Variants in SLIT2 observed in about 807,000 individuals in gnomAD.
The protein encoded by SLIT2 is slit homolog 2 protein.
A neutral mutation model predicts 185.7 loss-of-function variants in SLIT2; 41 were observed. The ratio of observed to expected loss-of-function variants is 0.22; its 90% CI spans 0.17 to 0.29. The LOEUF (loss-of-function observed/expected upper bound fraction) is 0.29. Among genes scored for constraint, SLIT2 ranks in the 10% least tolerant of loss-of-function variants. The probability of loss-of-function intolerance (pLI) is 1.00; values close to 1 mark genes in which losing one functional copy is unlikely to be tolerated. For synonymous variants in SLIT2, 693 were observed against 680.2 expected (o/e 1.02, Z -0.29); for missense variants, 1,571 against 1,909.0 (o/e 0.82, Z 3.30).
At chr4:20,482,728 A>T (rs1716826816) in intron 6 of SLIT2, among the ~76,000 whole-genome samples, 1 of 152,008 alleles carries the variant, frequency 6.6e-6, no homozygotes, top group Non-Finnish European at 1.5e-5. Flanking sequence ...TGTTGAAGAA[A>T]TAATAAAAAT....
chr4:20,545,212 A>C (rs1196189202), intron 21 of SLIT2, among the ~76,000 whole-genome samples: 1 of 152,086 alleles, frequency 6.6e-6, no homozygotes, highest in African/African-American at 2.4e-5. Flanking sequence ...CTGTGGGCAC[A>C]TGTATAGCCA....
At chr4:20,370,707 A>G (rs1434183776) in intron 4 of SLIT2, among the ~76,000 whole-genome samples, 1 of 152,076 alleles carries the variant, frequency 6.6e-6, no homozygotes, top group African/African-American at 2.4e-5. Context: ...AAGTGACTAT[A>G]AAGTACTGAT....
chr4:20,507,909 T>C (rs1275820629), intron 9 of SLIT2, among the ~76,000 whole-genome samples: 1 of 152,018 alleles, frequency 6.6e-6, no homozygotes, highest in African/African-American at 2.4e-5. Context: ...ATTTCATCTA[T>C]AGCTCGTATT....
Position 20,488,911 on chromosome 4 carries a change from A to G in SLIT2, c.704A>G (p.Gln235Arg). The G allele has an allele frequency of 6.2e-7, 1 of 1,612,564 alleles. No individual in the cohort carries two copies. Among genetic ancestry groups the G allele is most frequent in the South Asian group, 1.1e-5 (1 of 90,882 alleles). Residue 235 changes from glutamine to arginine, a missense_variant, in exon 8 of 37, where the codon CAG (glutamine) becomes CGG (arginine). Around this residue, in one of 3 missense-constraint regions of SLIT2, gnomAD observed 1,202 missense variants for 1,416.4 expected, o/e 0.85. Transcript: ENST00000504154. ...AGGCCTCGGGTTGGTCTGTACACTC[A>G]GTGTATGGGCCCCTCCCACCTGAGA... ...RQRPRVGLYT[Q>R]CMGPSHLRGH...
intron 30 of SLIT2, among the ~76,000 whole-genome samples, chr4:20,591,533 C>A (rs957081437): frequency 1.3e-5 from 2 of 152,004 alleles, no homozygotes; most frequent in East Asian, 1.9e-4. Context: ...AAATTTGATT[C>A]TATTTTGCAT....
Position 20,550,822 on chromosome 4 carries a change from T to C in SLIT2, c.2490-5T>C, listed in dbSNP as rs756677672. 9.4e-6 allele frequency: 15 copies of C among 1,591,052 alleles called. No individual in the cohort carries two copies. In the South Asian group the frequency reaches 1.7e-4, roughly 18 times the overall value. ...AAGTTTAATTTTTCTTTTTCTTTCTTTTAGTTCTCTACATGGAAATGACAT... is the reference window on the plus strand; with the variant it reads ...AAGTTTAATTTTTCTTTTTCTTTCTCTTAGTTCTCTACATGGAAATGACAT... On this transcript the variant is annotated splice_polypyrimidine_tract_variant and splice_region_variant and intron_variant, in intron 24 of 36. Coordinates refer to ENST00000504154, the MANE Select transcript of SLIT2 (RefSeq NM_004787.4).
chr4:20,312,208 G>T (rs1718172524), intron 4 of SLIT2, among the ~76,000 whole-genome samples: 1 of 152,084 alleles, frequency 6.6e-6, no homozygotes, highest in Non-Finnish European at 1.5e-5. Context: ...TTCGCTTTAA[G>T]TTACAGTATG....
intron 4 of SLIT2, among the ~76,000 whole-genome samples, chr4:20,421,791 C>T (rs1411931092): frequency 2.0e-5 from 3 of 152,186 alleles, no homozygotes; most frequent in African/African-American, 7.2e-5. Flanking sequence ...AAGCATTTTG[C>T]AATTCTTAAC....
intron 4 of SLIT2, among the ~76,000 whole-genome samples, chr4:20,376,083 C>CA (rs1260301148): frequency 3.2e-5 from 4 of 124,194 alleles, no homozygotes; most frequent in Admixed American, 8.0e-5. Context: ...TTTTTCAAAA[C>CA]AAAAAACAAT....
At chr4:20,583,039 G>T (rs1026683627) in intron 29 of SLIT2, among the ~76,000 whole-genome samples, 1 of 152,192 alleles carries the variant, frequency 6.6e-6, no homozygotes, top group Non-Finnish European at 1.5e-5. Context: ...CTTACGAATT[G>T]TTTATTTCTG....
At chr4:20,366,328 A>G (rs186133161) in intron 4 of SLIT2, among the ~76,000 whole-genome samples, 20 of 152,306 alleles carry the variant, frequency 1.3e-4, no homozygotes, top group Admixed American at 9.8e-4. Context: ...ACTTCTCATT[A>G]TGCCAGAGTC....
chr4:20,493,347 C>T (rs1317340828), intron 9 of SLIT2, among the ~76,000 whole-genome samples: 8 of 152,032 alleles, frequency 5.3e-5, no homozygotes. Context: ...AAGAGTAGAA[C>T]GAAATACTAA....
intron 4 of SLIT2, among the ~76,000 whole-genome samples, chr4:20,354,929 G>C (rs1722204330): frequency 6.6e-6 from 1 of 151,620 alleles, no homozygotes; most frequent in South Asian, 2.1e-4. Context: ...GAGAGAGAGA[G>C]AGAGAGAGAG....
chr4:20,518,112 C>CATATACATATATTTATAT, intron 11 of SLIT2, among the ~76,000 whole-genome samples: 1 of 140,070 alleles, frequency 7.1e-6, no homozygotes, highest in South Asian at 2.3e-4. Context: ...CATATATATA[C>CATATACATATATTTATAT]ATATACATAT....
At chr4:20,545,331 A>G (rs927254452) in intron 21 of SLIT2, among the ~76,000 whole-genome samples, 2 of 152,036 alleles carry the variant, frequency 1.3e-5, no homozygotes, top group African/African-American at 4.8e-5. Flanking sequence ...CATAATAGAT[A>G]TAACTTCAGG....
At chr4:20,520,684 A>G (rs192809636) in intron 12 of SLIT2, among the ~76,000 whole-genome samples, 49 of 152,252 alleles carry the variant, frequency 3.2e-4, no homozygotes, top group African/African-American at 1.2e-3. Context: ...TGTATTTTAC[A>G]TTACACCTTA....
At chr4:20,616,883 G>T in intron 34 of SLIT2, 27 bp from the exon 35 acceptor site, 1 of 1,559,102 alleles carries the variant, frequency 6.4e-7, no homozygotes, top group South Asian at 1.2e-5. Flanking sequence ...CAGAGAGCCT[G>T]ACCTCTGACC....
chr4:20,520,201 G>A (rs563065514), intron 12 of SLIT2, among the ~76,000 whole-genome samples: 2 of 152,162 alleles, frequency 1.3e-5, no homozygotes, highest in Non-Finnish European at 2.9e-5. Flanking sequence ...ATAATTACCT[G>A]TAAATCAAAG....
intron 6 of SLIT2, among the ~76,000 whole-genome samples, chr4:20,483,486 CT>C (rs1262488062): frequency 1.4e-4 from 22 of 152,012 alleles, no homozygotes; most frequent in East Asian, 3.8e-4. Context: ...AGTATTTTCC[CT>C]TCTTTGGACA....
Sources: gnomAD v4.1 joint callset for allele counts (sites outside exome capture counted in the v4.1 genomes callset) on GRCh38, gnomAD v4.1.1 for gene constraint, gnomAD v4.1.1 regional missense constraint, MANE v1.5 for transcripts, NCBI Gene and HGNC (gene_info 2026-07-23, HGNC 2026-07-21) for gene names.